Variants in SLC8A1 observed in about 807,000 individuals in gnomAD.
SLC8A1 encodes sodium/calcium exchanger 1.
In SLC8A1, 18 loss-of-function variants were observed where a neutral mutation model predicts 68.3. The observed-to-expected ratio is 0.26, with a 90% confidence interval of 0.18 to 0.39. The LOEUF (loss-of-function observed/expected upper bound fraction) is 0.39, where lower values mean the gene tolerates loss of function less well. SLC8A1 is among the 10% of genes least tolerant of loss of function. SLC8A1 has a pLI of 1.00. For synonymous variants in SLC8A1, 475 were observed against 415.5 expected (o/e 1.14, Z -1.74); for missense variants, 985 against 1,156.7 (o/e 0.85, Z 2.15).
At chr2:40,201,814 A>G (rs1018076098) in intron 2 of SLC8A1, among the ~76,000 whole-genome samples, 12 of 151,974 alleles carry the variant, frequency 7.9e-5, no homozygotes, top group African/African-American at 2.9e-4. Flanking sequence ...TAATAAAGTC[A>G]ATGGGAAAGC....
At chr2:40,459,769 T>A (rs1027922714) in intron 1 of SLC8A1, among the ~76,000 whole-genome samples, 9 of 152,166 alleles carry the variant, frequency 5.9e-5, no homozygotes, top group Non-Finnish European at 1.3e-4. Flanking sequence ...CATGCATGTG[T>A]AACTTAATGG....
intron 2 of SLC8A1, among the ~76,000 whole-genome samples, chr2:40,196,923 T>C (rs1214441417): frequency 1.3e-5 from 2 of 152,068 alleles, no homozygotes; most frequent in Non-Finnish European, 2.9e-5. Flanking sequence ...TGATTAGTGG[T>C]AAAAGTCCAT....
At chr2:40,379,013 C>G (rs1247186012) in intron 2 of SLC8A1, among the ~76,000 whole-genome samples, 1 of 152,112 alleles carries the variant, frequency 6.6e-6, no homozygotes, top group African/African-American at 2.4e-5. Flanking sequence ...AATGTTCACC[C>G]CATGAGGGCA....
chr2:40,108,322 T>A (rs900080625), exon 8 of SLC8A1: 1 of 152,184 alleles, frequency 6.6e-6, no homozygotes, highest in East Asian at 1.9e-4. Flanking sequence ...CCAAAAAGTA[T>A]GTATGCCCAA....
chr2:40,315,629 A>T (rs1367987646), intron 2 of SLC8A1, among the ~76,000 whole-genome samples: 1 of 151,934 alleles, frequency 6.6e-6, no homozygotes, highest in Admixed American at 6.6e-5. Flanking sequence ...AGAATTGGTC[A>T]AAATAAATAA....
intron 2 of SLC8A1, among the ~76,000 whole-genome samples, chr2:40,289,709 G>GGCTTGGTGGT (rs945709341): frequency 2.0e-5 from 3 of 151,706 alleles, no homozygotes; most frequent in African/African-American, 7.3e-5. Context: ...AAATTAGAGG[G>GGCTTGGTGGT]GCTTGGTGGT....
At chr2:40,205,939 G>C (rs137858890) in intron 2 of SLC8A1, among the ~76,000 whole-genome samples, 98 of 152,010 alleles carry the variant, frequency 6.4e-4, no homozygotes, top group African/African-American at 2.3e-3. Flanking sequence ...AGGGAAACAT[G>C]ATCTTACAAA....
intron 2 of SLC8A1, among the ~76,000 whole-genome samples, chr2:40,218,376 G>C (rs2057808100): frequency 6.6e-6 from 1 of 152,162 alleles, no homozygotes. Flanking sequence ...TAGGCAGCTA[G>C]AAAGACTGTT....
chr2:40,167,783 C>G (rs2046794911), intron 4 of SLC8A1, among the ~76,000 whole-genome samples: 1 of 152,170 alleles, frequency 6.6e-6, no homozygotes, highest in Non-Finnish European at 1.5e-5. Flanking sequence ...CCACTCTAAC[C>G]TTATATTAAT....
chr2:40,373,242 T>C (rs1390924648), intron 2 of SLC8A1, among the ~76,000 whole-genome samples: 1 of 152,130 alleles, frequency 6.6e-6, no homozygotes, highest in Non-Finnish European at 1.5e-5. Flanking sequence ...TCTCTGGGTA[T>C]GTGATTCTAT....
intron 4 of SLC8A1, chr2:40,170,322 G>C (rs2047249830): frequency 1.2e-6 from 2 of 1,614,120 alleles, no homozygotes; most frequent in Middle Eastern, 1.6e-4. Context: ...ATGTTCTCTA[G>C]CATGAACCTT....
At chr2:40,292,458 G>A (rs2069503890) in intron 2 of SLC8A1, among the ~76,000 whole-genome samples, 1 of 152,122 alleles carries the variant, frequency 6.6e-6, no homozygotes, top group Non-Finnish European at 1.5e-5. Flanking sequence ...GGGTTATGCT[G>A]CTGTGGAACA....
At chr2:40,105,079 T>G (rs570867496) in exon 8 of SLC8A1, 1 of 152,276 alleles carries the variant, frequency 6.6e-6, no homozygotes. Context: ...TATTACAAGT[T>G]CTGGAATGCC....
chr2:40,357,465 C>T (rs115382566), intron 2 of SLC8A1, among the ~76,000 whole-genome samples: 1 of 146,206 alleles, frequency 6.8e-6, no homozygotes, highest in Admixed American at 7.1e-5. Flanking sequence ...CCACTGCATG[C>T]CGGCCTGGGC....
At chr2:40,139,608 A>T in exon 7 of SLC8A1, 3 of 1,614,168 alleles carry the variant, frequency 1.9e-6, no homozygotes, top group Non-Finnish European at 2.5e-6. Flanking sequence ...ACAGTCAGAA[A>T]GTGCATCACG....
chr2:40,279,609 A>G (rs1482695146), intron 2 of SLC8A1, among the ~76,000 whole-genome samples: 1 of 152,162 alleles, frequency 6.6e-6, no homozygotes, highest in Non-Finnish European at 1.5e-5. Context: ...CGGAGATGCT[A>G]TATTTGATTC....
At chr2:40,376,473 G>A (rs560018378) in intron 2 of SLC8A1, among the ~76,000 whole-genome samples, 2 of 152,162 alleles carry the variant, frequency 1.3e-5, no homozygotes, top group South Asian at 4.1e-4. Context: ...AATAGACATT[G>A]TAAATCTGAG....
At chr2:40,397,102 G>T (rs754322519) in intron 2 of SLC8A1, among the ~76,000 whole-genome samples, 1 of 152,276 alleles carries the variant, frequency 6.6e-6, no homozygotes, top group Non-Finnish European at 1.5e-5. Flanking sequence ...ACAGAAAAAA[G>T]GTGAAGTATT....
chr2:40,112,856 A>T (rs1326129801), exon 8 of SLC8A1: 3 of 152,442 alleles, frequency 2.0e-5, no homozygotes, highest in East Asian at 3.8e-4. Flanking sequence ...TCGGTCAAAG[A>T]TAAAGAGGGT....
Sources: gnomAD v4.1 joint callset for allele counts (sites outside exome capture counted in the v4.1 genomes callset) on GRCh38, gnomAD v4.1.1 for gene constraint, MANE v1.5 for transcripts, NCBI Gene and HGNC (gene_info 2026-07-23, HGNC 2026-07-21) for gene names.